The following TMPRSS7 variants were observed in gnomAD, a reference collection of about 807,000 sequenced individuals.
The protein encoded by TMPRSS7 is transmembrane serine protease 7, also known as transmembrane protease serine 7.
Under a neutral mutation model 95.6 loss-of-function variants are expected in TMPRSS7, and 81 were observed. That is an observed-to-expected ratio of 0.85 (90% CI 0.71 to 1.02). The LOEUF (loss-of-function observed/expected upper bound fraction) is 1.02, where lower values mean the gene tolerates loss of function less well. Among genes scored for constraint, TMPRSS7 ranks in the 50% least tolerant of loss-of-function variants. The probability of loss-of-function intolerance (pLI) is 0.00; values close to 1 mark genes in which losing one functional copy is unlikely to be tolerated. For missense variants in TMPRSS7, 945 were observed against 955.2 expected (o/e 0.99, Z 0.14); for synonymous variants, 364 against 337.8 (o/e 1.08, Z -0.85).
chr3:112,066,624 C>A (rs2073579498), intron 13 of TMPRSS7, 122 bp downstream of exon 13: 11 of 856,592 alleles, frequency 1.3e-5, no homozygotes, highest in South Asian at 3.3e-5. Flanking sequence ...TCTGGAACTT[C>A]TCCAGTTTTA....
At chr3:112,046,428 G>T (rs181034277) in intron 5 of TMPRSS7, among the ~76,000 whole-genome samples, 1 of 152,140 alleles carries the variant, frequency 6.6e-6, no homozygotes, top group Non-Finnish European at 1.5e-5. Context: ...CAAAATTTGT[G>T]CAGTTTTCTG....
chr3:112,079,145 T>C (rs1444412125), intron 17 of TMPRSS7, among the ~76,000 whole-genome samples: 1 of 152,254 alleles, frequency 6.6e-6, no homozygotes, highest in Non-Finnish European at 1.5e-5. Flanking sequence ...CATTCTGCCA[T>C]AATTTTCTTA....
In TMPRSS7 at chr3:112,038,756, A is replaced by AAC. The variant is rs2073176567; in HGVS notation, c.298+435_298+436insAC. ...CTTGGCCTTCCAAAGTGCTAGGATTACAGGCGTGAACCATGGTGCCCGGCC... is the reference window on the plus strand; with the variant it reads ...CTTGGCCTTCCAAAGTGCTAGGATTAACCAGGCGTGAACCATGGTGCCCGGCC... On this transcript the variant is annotated intron_variant, in intron 2 of 17. Transcript: ENST00000452346. 4.6e-5 allele frequency among the ~76,000 whole-genome samples: 7 copies of AAC among 152,304 alleles called. 1 individual carries two copies. The South Asian group carries it at 1.5e-3, about 32-fold the overall frequency.
At chr3:112,051,660 CTATCTATCATCT>C (rs776309433) in intron 9 of TMPRSS7, among the ~76,000 whole-genome samples, 1,767 of 103,716 alleles carry the variant, frequency 0.017, 19 homozygotes, top group South Asian at 0.037. Context: ...ATCTATCTAT[CTATCTATCATCT>C]ATCTATCTAT....
chr3:112,075,416 G>A, exon 15 of TMPRSS7: 2 of 1,553,250 alleles, frequency 1.3e-6, no homozygotes, highest in Non-Finnish European at 1.7e-6. Flanking sequence ...CCACTTTGTT[G>A]GATCTGCCTA....
chr3:112,047,557 G>A (rs1419499081), intron 6 of TMPRSS7, 182 bp from the exon 7 acceptor site: 12 of 666,680 alleles, frequency 1.8e-5, no homozygotes, highest in Non-Finnish European at 2.7e-5. Flanking sequence ...TAGACAGAGT[G>A]TGGATAGTTT....
At chr3:112,051,442 C>A (rs1307608338) in intron 9 of TMPRSS7, among the ~76,000 whole-genome samples, 1 of 151,982 alleles carries the variant, frequency 6.6e-6, no homozygotes, top group Non-Finnish European at 1.5e-5. Flanking sequence ...GGAACCAATC[C>A]TCCACAGATA....
intron 10 of TMPRSS7, 40 bp from the exon 11 acceptor site, chr3:112,061,747 A>C: frequency 6.4e-7 from 1 of 1,556,992 alleles, no homozygotes; most frequent in Non-Finnish European, 8.7e-7. Flanking sequence ...AGTCGACAGA[A>C]CCTCAAGCTG....
rs2073297051 is a variant in TMPRSS7, at chr3:112,047,721, A to AAGCCT, written c.731-18_731-17insAGCCT. 6.5e-7 allele frequency: 1 copy of AAGCCT among 1,541,352 alleles called. No homozygotes were observed. The highest frequency in any genetic ancestry group is 1.2e-5 in the South Asian group (1 of 84,814). On this transcript the variant is annotated splice_polypyrimidine_tract_variant and intron_variant, in intron 6 of 17. Transcript: ENST00000452346. ...CTAAAAAAAAAGAAAATAAAGGAAA[A>AAGCCT]TGGTGCTGTCTCCACAGACAAAGGC...
intron 13 of TMPRSS7, among the ~76,000 whole-genome samples, chr3:112,068,452 A>G (rs1401437888): frequency 6.6e-6 from 1 of 152,214 alleles, no homozygotes; most frequent in Non-Finnish European, 1.5e-5. Flanking sequence ...CTTCCTATCC[A>G]TGAGCATGGA....
At chr3:112,066,604 TC>T in intron 13 of TMPRSS7, 102 bp downstream of exon 13, 10 of 1,030,484 alleles carry the variant, frequency 9.7e-6, no homozygotes, top group Non-Finnish European at 1.5e-5. Context: ...AATCAACTTG[TC>T]CCAGGTTCTC....
intron 9 of TMPRSS7, among the ~76,000 whole-genome samples, chr3:112,051,653 T>TATCATC (rs754454843): frequency 1.1e-5 from 1 of 90,764 alleles, no homozygotes; most frequent in Non-Finnish European, 2.5e-5. Context: ...TCTATCTATC[T>TATCATC]ATCTATCTAT....
chr3:112,049,157 G>A (rs908148544), intron 7 of TMPRSS7, among the ~76,000 whole-genome samples: 1 of 152,136 alleles, frequency 6.6e-6, no homozygotes, highest in African/African-American at 2.4e-5. Context: ...ATTCACCTCA[G>A]CCTTTAATTA....
intron 9 of TMPRSS7, among the ~76,000 whole-genome samples, chr3:112,054,929 C>T (rs1329231977): frequency 3.3e-5 from 5 of 151,682 alleles, no homozygotes; most frequent in Non-Finnish European, 7.4e-5. Context: ...TTAGTAGAGA[C>T]GGAGTTTCAC....
intron 11 of TMPRSS7, among the ~76,000 whole-genome samples, chr3:112,062,760 C>T (rs1485753454): frequency 6.6e-6 from 1 of 152,144 alleles, no homozygotes; most frequent in Non-Finnish European, 1.5e-5. Flanking sequence ...TCATCCATTC[C>T]ATCATGTGCC....
At chr3:112,075,975 T>G (rs60562037) in intron 15 of TMPRSS7, among the ~76,000 whole-genome samples, 4,487 of 152,336 alleles carry the variant, frequency 0.029, 182 homozygotes, top group African/African-American at 0.086. Flanking sequence ...ATTTTTTTTT[T>G]AGTATTTCAA....
At chr3:112,079,008 T>C (rs1438997109) in intron 17 of TMPRSS7, 130 bp downstream of exon 17, 1 of 1,039,118 alleles carries the variant, frequency 9.6e-7, no homozygotes, top group Non-Finnish European at 1.3e-6. Flanking sequence ...TGCTCAGATA[T>C]TATTTATCAT....
At chr3:112,072,351 AG>A (rs1365321254) in intron 13 of TMPRSS7, among the ~76,000 whole-genome samples, 1 of 152,138 alleles carries the variant, frequency 6.6e-6, no homozygotes, top group Non-Finnish European at 1.5e-5. Flanking sequence ...TTCGTCCCAG[AG>A]GGGCACCCGC....
exon 14 of TMPRSS7, chr3:112,074,390 T>C (rs771811062): frequency 1.9e-6 from 3 of 1,613,154 alleles, no homozygotes; most frequent in South Asian, 2.2e-5. Context: ...ATTGTCCAGA[T>C]GGAAGTGATG....
Sources: allele counts gnomAD v4.1 joint callset (sites outside exome capture counted in the v4.1 genomes callset), GRCh38; gene constraint gnomAD v4.1.1; transcripts MANE v1.5; gene names NCBI Gene and HGNC (gene_info 2026-07-23, HGNC 2026-07-21).